The following PCDHA2 variants were observed in gnomAD, a reference collection of about 807,000 sequenced individuals.
PCDHA2 encodes the protein protocadherin alpha 2.
In PCDHA2, 58 loss-of-function variants were observed where a neutral mutation model predicts 66.0. The observed-to-expected ratio is 0.88, with a 90% CI of 0.71 to 1.09. The LOEUF (loss-of-function observed/expected upper bound fraction) is 1.09. Among genes scored for constraint, PCDHA2 ranks in the 50% least tolerant of loss-of-function variants. The pLI is 0.00. For missense variants in PCDHA2, 1,267 were observed against 1,242.3 expected (o/e 1.02, Z -0.30); for synonymous variants, 634 against 554.0 (o/e 1.14, Z -2.03).
At chr5:140,989,413 T>G (rs1234033175) in intron 3 of PCDHA2, among the ~76,000 whole-genome samples, 3 of 152,172 alleles carry the variant, frequency 2.0e-5, no homozygotes, top group Non-Finnish European at 4.4e-5. Context: ...GAGTCTGCAC[T>G]TCACTCTGTG....
chr5:140,940,841 C>T (rs246072), intron 1 of PCDHA2, among the ~76,000 whole-genome samples: 86,358 of 151,986 alleles, frequency 0.57, 25,200 homozygotes, highest in African/African-American at 0.71. Context: ...CCTTTCTTCA[C>T]GATAGATTTT....
chr5:140,864,333 AGT>A (rs1554158793), intron 1 of PCDHA2: 2 of 152,182 alleles, frequency 1.3e-5, no homozygotes, highest in African/African-American at 4.8e-5. Flanking sequence ...TAATTATTTG[AGT>A]TTAAAACATG....
At chr5:140,940,508 G>A (rs1171264265) in intron 1 of PCDHA2, among the ~76,000 whole-genome samples, 2 of 151,902 alleles carry the variant, frequency 1.3e-5, no homozygotes, top group African/African-American at 4.8e-5. Context: ...CGTCGCTCAG[G>A]CGTGATCATA....
chr5:140,802,141 C>A (rs781954887), intron 1 of PCDHA2: 4 of 1,614,162 alleles, frequency 2.5e-6, no homozygotes, highest in African/African-American at 2.7e-5. Flanking sequence ...GAAAGTAAGT[C>A]ATATGAAATC....
chr5:140,924,116 G>C (rs2081683465), intron 1 of PCDHA2, among the ~76,000 whole-genome samples: 1 of 152,178 alleles, frequency 6.6e-6, no homozygotes, highest in African/African-American at 2.4e-5. Flanking sequence ...AAAGCAGTTA[G>C]CTTGCTTAGC....
chr5:140,874,557 G>T (rs782715249), intron 1 of PCDHA2, among the ~76,000 whole-genome samples: 3 of 152,146 alleles, frequency 2.0e-5, no homozygotes, highest in African/African-American at 7.2e-5. Flanking sequence ...GAGATCTTTC[G>T]CATTTTAGTG....
chr5:140,962,557 C>A (rs1554226125), intron 1 of PCDHA2, among the ~76,000 whole-genome samples: 2 of 152,112 alleles, frequency 1.3e-5, no homozygotes, highest in Admixed American at 6.6e-5. Flanking sequence ...AGGATCTCCC[C>A]CTAAAAGCCA....
intron 1 of PCDHA2, chr5:140,821,650 T>G: frequency 9.2e-7 from 1 of 1,090,350 alleles, no homozygotes; most frequent in Non-Finnish European, 1.3e-6. Context: ...AACCTTCCAT[T>G]TTTGGCTGTG....
intron 1 of PCDHA2, among the ~76,000 whole-genome samples, chr5:140,889,342 A>G (rs1418641372): frequency 6.6e-6 from 1 of 152,018 alleles, no homozygotes; most frequent in East Asian, 1.9e-4. Context: ...GATTGGTGGG[A>G]ATATTTCTGA....
intron 1 of PCDHA2, chr5:140,830,402 G>A: frequency 6.2e-7 from 1 of 1,614,186 alleles, no homozygotes; most frequent in Non-Finnish European, 8.5e-7. Flanking sequence ...GGATCTCATG[G>A]CCTTTAGCCC....
chr5:140,851,595 G>C (rs1470017891), intron 1 of PCDHA2: 1 of 919,210 alleles, frequency 1.1e-6, no homozygotes, highest in South Asian at 5.0e-5. Context: ...TTGAAATTCA[G>C]TTTACAGAAA....
At chr5:140,852,972 G>T (rs530736735) in intron 1 of PCDHA2, 1 of 376,636 alleles carries the variant, frequency 2.7e-6, no homozygotes, top group Non-Finnish European at 3.8e-6. Context: ...TCCCCCTCCC[G>T]TGTTCACGCC....
chr5:140,849,687 G>T, intron 1 of PCDHA2: 1 of 1,598,686 alleles, frequency 6.3e-7, no homozygotes. Context: ...CTTCAAGCTG[G>T]TGTCCACCTA....
chr5:140,855,323 G>C lies in PCDHA2; in HGVS notation c.2388+57971G>C, dbSNP rs186152172. The stretch of plus-strand genomic sequence containing the variant: ...TTATAAAATTGGAACATGAGGGAGG[G>C]AGAGGTTAAACGATTTTCCCAAGTC... On this transcript the variant is annotated intron_variant, in intron 1 of 3. Transcript: ENST00000526136. 5.3e-5 allele frequency among the ~76,000 whole-genome samples: 8 copies of C among 149,960 alleles called. 1 individual carries two copies. The highest frequency in any genetic ancestry group is 7.5e-5 in the Non-Finnish European group (5 of 67,078).
At chr5:140,875,423 G>A in intron 1 of PCDHA2, 2 of 1,524,996 alleles carry the variant, frequency 1.3e-6, no homozygotes, top group Non-Finnish European at 1.8e-6. Flanking sequence ...CCTCAGGCAA[G>A]CGATCCCTTA....
chr5:140,809,319 TG>T (rs1562224464), intron 1 of PCDHA2: 1 of 1,614,108 alleles, frequency 6.2e-7, no homozygotes, highest in Non-Finnish European at 8.5e-7. Flanking sequence ...TCCAGCCTTT[TG>T]GTGCTCACGC....
At chr5:140,906,589 C>T (rs2072764004) in intron 1 of PCDHA2, among the ~76,000 whole-genome samples, 1 of 152,220 alleles carries the variant, frequency 6.6e-6, no homozygotes, top group South Asian at 2.1e-4. Context: ...TGACTACCTT[C>T]CTCTACTACT....
intron 1 of PCDHA2, chr5:140,843,119 G>C (rs2150353177): frequency 6.3e-7 from 1 of 1,595,872 alleles, no homozygotes; most frequent in South Asian, 1.1e-5. Flanking sequence ...AGTGGACGCC[G>C]ACTCGGGCTA....
chr5:140,882,990 A>C, intron 1 of PCDHA2: 1 of 1,614,130 alleles, frequency 6.2e-7, no homozygotes, highest in East Asian at 2.2e-5. Context: ...AACGCCCCGG[A>C]ATTTTACCAA....
Sources: gnomAD v4.1 joint callset for allele counts (sites outside exome capture counted in the v4.1 genomes callset) on GRCh38, gnomAD v4.1.1 for gene constraint, MANE v1.5 for transcripts, NCBI Gene and HGNC (gene_info 2026-07-23, HGNC 2026-07-21) for gene names.